Variants in SORL1 observed in about 807,000 individuals in gnomAD.
SORL1 encodes the protein sortilin-related receptor.
SORL1 carries 127 observed loss-of-function variants against 273.7 expected under a neutral mutation model. The ratio of observed to expected loss-of-function variants is 0.46; its 90% confidence interval spans 0.40 to 0.54. The LOEUF is 0.54. Among genes scored for constraint, SORL1 ranks in the 20% least tolerant of loss-of-function variants. SORL1 has a pLI of 0.00. For missense variants in SORL1, 2,494 were observed against 2,846.1 expected (o/e 0.88, Z 2.81); for synonymous variants, 1,031 against 1,067.4 (o/e 0.97, Z 0.66).
chr11:121,549,057 G>A (rs1862471727), intron 14 of SORL1, among the ~76,000 whole-genome samples: 1 of 152,148 alleles, frequency 6.6e-6, no homozygotes, highest in South Asian at 2.1e-4. Flanking sequence ...CTTCGACTGA[G>A]GCCTCCTGCT....
intron 12 of SORL1, among the ~76,000 whole-genome samples, chr11:121,535,783 C>G (rs1238901101): frequency 1.3e-5 from 2 of 151,978 alleles, no homozygotes; most frequent in East Asian, 1.9e-4. Context: ...CCTTGAGTCT[C>G]CTCTGAGACT....
At chr11:121,486,947 G>A (rs1861482846) in intron 3 of SORL1, among the ~76,000 whole-genome samples, 2 of 152,160 alleles carry the variant, frequency 1.3e-5, no homozygotes, top group African/African-American at 4.8e-5. Context: ...GGGCAACAGA[G>A]CGAGACCTTG....
intron 45 of SORL1, among the ~76,000 whole-genome samples, chr11:121,622,848 C>A (rs1863742605): frequency 6.6e-6 from 1 of 152,214 alleles, no homozygotes; most frequent in Admixed American, 6.5e-5. Context: ...AGATTTACCA[C>A]CCAAGGGTGG....
rs1327707649 is a variant in SORL1 at position 121,614,896 on chromosome 11, C to G, written c.5445C>G (p.Ser1815=). 1 of 1,613,016 alleles carries G rather than the reference C, an allele frequency of 6.2e-7. No individual in the cohort carries two copies. The highest frequency in any genetic ancestry group is 8.5e-7 in the Non-Finnish European group (1 of 1,179,534). ...TTGGCAATCTGACAGCTCATACATC[C>G]TATGAGATTTCTGCCTGGGCCAAGA... ...HKVGNLTAHT[S]YEISAWAKTD... Residue 1815 remains serine (S), a synonymous_variant, in exon 41 of 48, where the codon TCC becomes TCG. Coordinates refer to ENST00000260197, the MANE Select transcript of SORL1 (RefSeq NM_003105.6).
intron 8 of SORL1, among the ~76,000 whole-genome samples, chr11:121,518,557 G>A (rs1782343483): frequency 6.6e-6 from 1 of 152,210 alleles, no homozygotes; most frequent in Admixed American, 6.5e-5. Flanking sequence ...GGGATGACAG[G>A]TTTATGATGA....
intron 40 of SORL1, 41 bp from the exon 41 acceptor site, chr11:121,614,830 C>G (rs1430111207): frequency 6.4e-7 from 1 of 1,563,868 alleles, no homozygotes; most frequent in Admixed American, 1.7e-5. Context: ...TGACTAACAC[C>G]CCCAACTTCC....
intron 14 of SORL1, among the ~76,000 whole-genome samples, chr11:121,547,417 C>CAAAAAAAAAAAAAAAAAAAAAAAAA (rs67390938): frequency 1.7e-4 from 4 of 24,034 alleles, no homozygotes; most frequent in East Asian, 1.2e-3. Flanking sequence ...CAACCCTCAC[C>CAAAAAAAAAAAAAAAAAAAAAAAAA]AAAAAAAAAA....
At chr11:121,620,463 C>T (rs536427868) in intron 43 of SORL1, among the ~76,000 whole-genome samples, 2 of 152,058 alleles carry the variant, frequency 1.3e-5, no homozygotes, top group South Asian at 4.1e-4. Context: ...TTTCCTTGCT[C>T]TGGGTTGCTC....
chr11:121,549,835 A>G, intron 14 of SORL1, 125 bp from the exon 15 acceptor site: 1 of 691,494 alleles, frequency 1.4e-6, no homozygotes, highest in South Asian at 2.3e-5. Context: ...AATATTCTTT[A>G]AAGGGACATG....
intron 19 of SORL1, 129 bp from the exon 20 acceptor site, chr11:121,558,462 T>C (rs1862624587): frequency 2.2e-6 from 2 of 917,804 alleles, no homozygotes; most frequent in Non-Finnish European, 3.4e-6. Flanking sequence ...TCATTACATA[T>C]TGTTATAATA....
intron 5 of SORL1, among the ~76,000 whole-genome samples, chr11:121,491,398 C>T (rs1861550757): frequency 6.6e-6 from 1 of 152,114 alleles, no homozygotes; most frequent in Non-Finnish European, 1.5e-5. Flanking sequence ...TGAATTTGTA[C>T]ATGTGCAGGC....
intron 13 of SORL1, among the ~76,000 whole-genome samples, chr11:121,544,076 A>ATAC (rs1314187568): frequency 6.6e-6 from 1 of 152,172 alleles, no homozygotes; most frequent in Non-Finnish European, 1.5e-5. Flanking sequence ...GACTGTCTGT[A>ATAC]AGTCAGTGTG....
intron 2 of SORL1, among the ~76,000 whole-genome samples, chr11:121,474,605 A>G (rs1303211954): frequency 1.3e-5 from 2 of 152,146 alleles, no homozygotes; most frequent in Non-Finnish European, 2.9e-5. Context: ...CCCCTGTGCT[A>G]TTTTGCTTTT....
At chr11:121,510,352 G>A (rs1429241604) in intron 6 of SORL1, among the ~76,000 whole-genome samples, 1 of 152,204 alleles carries the variant, frequency 6.6e-6, no homozygotes, top group Non-Finnish European at 1.5e-5. Context: ...CCCCCTTGCT[G>A]CCTGGAGGTA....
chr11:121,617,055 C>T (rs1023921566), intron 41 of SORL1, among the ~76,000 whole-genome samples: 1 of 152,170 alleles, frequency 6.6e-6, no homozygotes, highest in Non-Finnish European at 1.5e-5. Flanking sequence ...CTGAGATTGA[C>T]GGAAAGGAGA....
Position 121,558,857 on chromosome 11 carries a change from C to T in SORL1, c.2910+20C>T, listed in dbSNP as rs1474047331. On this transcript the variant is annotated intron_variant, in intron 20 of 47. Transcript: ENST00000260197. ...TTTAAGGTGAGTCCATTTGTTGCTG[C>T]CGGACAGTCTGCTAGAGCGGGTGAG... 1.2e-6 allele frequency: 2 copies of T among 1,613,432 alleles called. No homozygotes were observed. The highest frequency in any genetic ancestry group is 1.7e-6 in the Non-Finnish European group (2 of 1,179,468).
intron 2 of SORL1, among the ~76,000 whole-genome samples, chr11:121,476,685 C>T (rs909774636): frequency 2.0e-5 from 3 of 151,316 alleles, no homozygotes; most frequent in East Asian, 1.9e-4. Flanking sequence ...AATTCACCTG[C>T]CCTTCCTTCC....
chr11:121,563,767 A>G lies in SORL1; in HGVS notation c.3050-3173A>G, dbSNP rs1227043048. On this transcript the variant is annotated intron_variant, in intron 21 of 47. Coordinates refer to ENST00000260197, the MANE Select transcript of SORL1 (RefSeq NM_003105.6). The surrounding 1 kb of genome is among the most constrained non-coding windows in gnomAD (Gnocchi z 4.2). ...AGTGTGTTTTTTCTTTAAAGAGGTT[A>G]CTTTACAAGATTGTTGATGTATTCA... is the stretch of plus-strand genomic sequence containing the variant. 6.6e-6 allele frequency among the ~76,000 whole-genome samples: 1 copy of G among 152,308 alleles called. No individual in the cohort carries two copies. The highest frequency in any genetic ancestry group is 1.5e-5 in the Non-Finnish European group (1 of 68,028).
At chr11:121,625,723 C>T (rs1591359237) in intron 46 of SORL1, among the ~76,000 whole-genome samples, 1 of 152,232 alleles carries the variant, frequency 6.6e-6, no homozygotes, top group East Asian at 1.9e-4. Context: ...TTCATCTTAG[C>T]TCTCAGCATA....
Sources: allele counts gnomAD v4.1 joint callset (sites outside exome capture counted in the v4.1 genomes callset), GRCh38; gene constraint gnomAD v4.1.1; non-coding constraint Gnocchi (gnomAD v3.1); transcripts MANE v1.5; gene names NCBI Gene and HGNC (gene_info 2026-07-23, HGNC 2026-07-21).